The following SCUBE1 variants were observed in gnomAD, a reference collection of about 807,000 sequenced individuals.
SCUBE1 encodes signal peptide, CUB and EGF-like domain-containing protein 1.
SCUBE1 carries 59 observed loss-of-function variants against 124.4 expected under a neutral mutation model. The ratio of observed to expected loss-of-function variants is 0.47; its 90% CI spans 0.38 to 0.59. The LOEUF is 0.59. Among genes scored for constraint, SCUBE1 ranks in the 20% least tolerant of loss-of-function variants. The pLI, the probability that SCUBE1 is intolerant of heterozygous loss-of-function variation, is 0.00. For missense variants in SCUBE1, 1,150 were observed against 1,371.2 expected, an observed-to-expected ratio of 0.84 and a Z score of 2.55; for synonymous variants, 545 against 550.9, an observed-to-expected ratio of 0.99 and a Z score of 0.15.
intron 4 of SCUBE1, among the ~76,000 whole-genome samples, chr22:43,270,960 TC>T (rs1924269345): frequency 1.3e-5 from 2 of 152,158 alleles, no homozygotes; most frequent in Non-Finnish European, 2.9e-5. Flanking sequence ...AGCTGACTTG[TC>T]CTTCTTCGAG....
At chr22:43,292,556 AACACACACACAC>A (rs3985926) in intron 3 of SCUBE1, among the ~76,000 whole-genome samples, 4 of 139,678 alleles carry the variant, frequency 2.9e-5, no homozygotes, top group South Asian at 2.5e-4. Context: ...CCCGGTCCCT[AACACACACACAC>A]ACACACACAC....
chr22:43,216,420 C>T (rs11704700), intron 15 of SCUBE1, among the ~76,000 whole-genome samples: 36,361 of 148,952 alleles, frequency 0.24, 5,232 homozygotes, highest in East Asian at 0.44. Context: ...TTTGGGAGGC[C>T]GAGGTGGGCA....
Position 43,272,912 on chromosome 22 carries a change from T to G in SCUBE1, c.485-10067A>C, listed in dbSNP as rs145656007. Among the ~76,000 whole-genome samples, 75 of 152,352 alleles carry G rather than the reference T, an allele frequency of 4.9e-4. No individual in the cohort carries two copies. In the East Asian group the frequency reaches 0.014, roughly 29 times the overall value. Reference sequence around the variant, plus strand: ...CTGTCCTGGGTCACGCGGCTGTGACTTGCCCTGGTCACGCAGCTGTCAGTG... The same window carrying G: ...CTGTCCTGGGTCACGCGGCTGTGACGTGCCCTGGTCACGCAGCTGTCAGTG... On this transcript the variant is annotated intron_variant, in intron 4 of 21. Transcript: ENST00000360835.
At chr22:43,321,129 G>A (rs1311547837) in intron 2 of SCUBE1, among the ~76,000 whole-genome samples, 1 of 152,216 alleles carries the variant, frequency 6.6e-6, no homozygotes, top group African/African-American at 2.4e-5. Context: ...GCAGCACTAA[G>A]TGGAACCGGA....
chr22:43,239,388 C>T (rs1464192959), intron 6 of SCUBE1, among the ~76,000 whole-genome samples: 1 of 152,264 alleles, frequency 6.6e-6, no homozygotes, highest in Non-Finnish European at 1.5e-5. Context: ...CCCCCAAATG[C>T]ACCTCAGTAC....
At position 43,210,103 on chromosome 22, in the gene SCUBE1, G is replaced by C; in HGVS notation, c.2521C>G (p.Pro841Ala). Residue 841 changes from proline to alanine, a missense_variant, in exon 19 of 22, where the codon CCT becomes GCT. Pro to Ala is a conservative substitution (Grantham distance 27, BLOSUM62 -1). Around this residue, in one of 3 missense-constraint regions of SCUBE1, gnomAD observed 757 missense variants for 840.9 expected, o/e 0.90. Coordinates refer to ENST00000360835, the MANE Select transcript of SCUBE1 (RefSeq NM_173050.5). The surrounding 1 kb of genome is among the most constrained non-coding windows in gnomAD (Gnocchi z 4.5). Reference protein sequence around the residue: ...PPKRRILIVVPEIFLPIEDEC... With the variant: ...PPKRRILIVVAEIFLPIEDEC... ...TCCTCGATGGGCAGGAAGATCTCAG[G>C]GACCACGATGAGGATCCTGCGCTTT... The C allele has an allele frequency of 6.2e-7, 1 of 1,612,956 alleles. No homozygotes were observed. The highest frequency in any genetic ancestry group is 8.5e-7 in the Non-Finnish European group (1 of 1,179,688).
At chr22:43,305,947 T>C (rs1234937736) in intron 3 of SCUBE1, among the ~76,000 whole-genome samples, 1 of 152,040 alleles carries the variant, frequency 6.6e-6, no homozygotes, top group Non-Finnish European at 1.5e-5. Flanking sequence ...CTGTATGTGG[T>C]TGGGATGAGG....
At chr22:43,262,507 G>C (rs1474403442) in intron 5 of SCUBE1, among the ~76,000 whole-genome samples, 4 of 152,236 alleles carry the variant, frequency 2.6e-5, no homozygotes, top group Non-Finnish European at 4.4e-5. Flanking sequence ...TACACTGGTG[G>C]TGTCGTGCTT....
At chr22:43,328,002 A>G (rs1385724304) in intron 2 of SCUBE1, among the ~76,000 whole-genome samples, 1 of 152,120 alleles carries the variant, frequency 6.6e-6, no homozygotes, top group Non-Finnish European at 1.5e-5. Flanking sequence ...ATCTCCAGGG[A>G]TCTCTGCCTG....
chr22:43,328,228 G>T (rs765059519), intron 2 of SCUBE1, among the ~76,000 whole-genome samples: 1 of 152,164 alleles, frequency 6.6e-6, no homozygotes, highest in African/African-American at 2.4e-5. Flanking sequence ...CAGGACTAAT[G>T]GTTGCTGAGG....
In SCUBE1 at chr22:43,214,235, G is replaced by GCTCA; in HGVS notation, c.1907_1908insTGAG (p.Thr637GlufsTer7). On this transcript the variant is annotated frameshift_variant, in exon 16 of 22. Transcript: ENST00000360835. LOFTEE classifies it high-confidence loss of function. ...GGCCGAGCTCACCACCGAAGTGGGT[G>GCTCA]CCAGGCCCACAGGCAACTGCAGAGG... 1 of 1,612,288 alleles carries GCTCA rather than the reference G, an allele frequency of 6.2e-7. No individual in the cohort carries two copies. Among genetic ancestry groups the GCTCA allele is most frequent in the Non-Finnish European group, 8.5e-7 (1 of 1,179,512 alleles).
In SCUBE1 at chr22:43,255,357, A is replaced by C; in HGVS notation, c.727+2862T>G. Reference sequence around the variant, plus strand: ...CCCCACAACACAGACATATGCCCCCACACGCACACGTCACACCCACACACA... The same window carrying C: ...CCCCACAACACAGACATATGCCCCCCCACGCACACGTCACACCCACACACA... On this transcript the variant is annotated intron_variant, in intron 6 of 21. Coordinates refer to ENST00000360835, the MANE Select transcript of SCUBE1 (RefSeq NM_173050.5). This position sits in a 1 kb window ranked among gnomAD's most constrained non-coding sequence, Gnocchi z 4.7. The C allele has an allele frequency of 2.5e-6, 2 of 789,130 alleles. No individual in the cohort carries two copies. Among genetic ancestry groups the C allele is most frequent in the Non-Finnish European group, 4.3e-6 (2 of 470,042 alleles). 48.9% of individuals were successfully genotyped at this position (789,130 alleles called of 1,614,324 possible). A position where few individuals can be genotyped will look rare whatever the true frequency, so the allele number is the denominator to read the frequency against.
At chr22:43,256,061 G>A (rs1259275951) in intron 6 of SCUBE1, among the ~76,000 whole-genome samples, 1 of 152,210 alleles carries the variant, frequency 6.6e-6, no homozygotes, top group East Asian at 1.9e-4. Context: ...CATTGAGACA[G>A]CAGAGGCTCC....
At chr22:43,295,061 C>T (rs1925505419) in intron 3 of SCUBE1, among the ~76,000 whole-genome samples, 1 of 152,162 alleles carries the variant, frequency 6.6e-6, no homozygotes, top group Non-Finnish European at 1.5e-5. Flanking sequence ...AGAAAGAGAA[C>T]TGGAAGCCCC....
At chr22:43,257,282 T>A (rs1923696925) in intron 6 of SCUBE1, among the ~76,000 whole-genome samples, 1 of 152,116 alleles carries the variant, frequency 6.6e-6, no homozygotes, top group South Asian at 2.1e-4. Flanking sequence ...TCAAGAAGTA[T>A]CTTCCAGATT....
chr22:43,227,577 G>A (rs1034520813), intron 9 of SCUBE1, 81 bp from the exon 10 acceptor site: 14 of 1,558,194 alleles, frequency 9.0e-6, no homozygotes, highest in African/African-American at 5.4e-5. Context: ...CAGGGCAAGA[G>A]GGCAAGAATC....
intron 2 of SCUBE1, among the ~76,000 whole-genome samples, chr22:43,331,280 T>C (rs1464809326): frequency 6.6e-6 from 1 of 152,206 alleles, no homozygotes; most frequent in African/African-American, 2.4e-5. Flanking sequence ...GCTAATTTTG[T>C]GATATCTGAT....
intron 9 of SCUBE1, among the ~76,000 whole-genome samples, chr22:43,228,406 C>T (rs570607560): frequency 1.3e-5 from 2 of 152,326 alleles, no homozygotes; most frequent in African/African-American, 2.4e-5. Context: ...CTCTCCTTTC[C>T]ATGTGGTCAC....
chr22:43,296,030 G>A (rs1386581908), intron 3 of SCUBE1, among the ~76,000 whole-genome samples: 1 of 152,156 alleles, frequency 6.6e-6, no homozygotes, highest in Non-Finnish European at 1.5e-5. Flanking sequence ...CTCTCTAACA[G>A]GAGGAGAGTT....
Sources: gnomAD v4.1 joint callset for allele counts (sites outside exome capture counted in the v4.1 genomes callset) on GRCh38, gnomAD v4.1.1 for gene constraint, gnomAD v4.1.1 regional missense constraint, Gnocchi (gnomAD v3.1) non-coding constraint, MANE v1.5 for transcripts, NCBI Gene and HGNC (gene_info 2026-07-23, HGNC 2026-07-21) for gene names.